The following CCNY variants were observed in gnomAD, a reference collection of about 807,000 sequenced individuals.
CCNY encodes cyclin Y, also known as cyclin-Y.
Under a neutral mutation model 42.8 loss-of-function variants are expected in CCNY, and 19 were observed. The observed-to-expected ratio is 0.44, with a 90% CI of 0.31 to 0.65. The LOEUF (loss-of-function observed/expected upper bound fraction) is 0.65, where lower values mean the gene tolerates loss of function less well. CCNY is among the 30% of genes least tolerant of loss of function. The probability of loss-of-function intolerance (pLI) is 0.07; values close to 1 mark genes in which losing one functional copy is unlikely to be tolerated. For missense variants in CCNY, 370 were observed against 437.3 expected (o/e 0.85, Z 1.37); for synonymous variants, 165 against 162.7 (o/e 1.01, Z -0.11).
At chr10:35,293,410 T>C (rs1400230282) in intron 3 of CCNY, among the ~76,000 whole-genome samples, 1 of 152,332 alleles carries the variant, frequency 6.6e-6, no homozygotes, top group East Asian at 1.9e-4. Context: ...CTGTCAATTT[T>C]GTTCTTGTTT....
At chr10:35,314,327 G>C (rs1173445919) in intron 3 of CCNY, among the ~76,000 whole-genome samples, 2 of 151,546 alleles carry the variant, frequency 1.3e-5, no homozygotes, top group African/African-American at 4.9e-5. Context: ...ATCTTACATG[G>C]TGGCAGTCAA....
At chr10:35,345,187 A>G (rs919834056) in intron 1 of CCNY, among the ~76,000 whole-genome samples, 10 of 152,228 alleles carry the variant, frequency 6.6e-5, no homozygotes, top group Non-Finnish European at 1.3e-4. Flanking sequence ...TTTACGTCCT[A>G]CCAACAGTGT....
intron 3 of CCNY, among the ~76,000 whole-genome samples, chr10:35,267,747 T>A (rs1456272625): frequency 5.3e-5 from 8 of 152,192 alleles, no homozygotes; most frequent in Non-Finnish European, 2.9e-5. Context: ...GCTGCCCTTT[T>A]GTTCCTTACA....
intron 3 of CCNY, among the ~76,000 whole-genome samples, chr10:35,299,937 G>C (rs1835513313): frequency 6.6e-6 from 1 of 151,894 alleles, no homozygotes; most frequent in African/African-American, 2.4e-5. Context: ...TGTTGCTGTA[G>C]GTTTACAGAA....
intron 1 of CCNY, among the ~76,000 whole-genome samples, chr10:35,406,715 A>G (rs886181607): frequency 2.6e-5 from 4 of 152,036 alleles, no homozygotes; most frequent in Non-Finnish European, 5.9e-5. Context: ...TGCCACTGTC[A>G]TCATGGCCTG....
chr10:35,445,343 C>T (rs761436832), intron 1 of CCNY, among the ~76,000 whole-genome samples: 2 of 152,178 alleles, frequency 1.3e-5, no homozygotes, highest in Non-Finnish European at 2.9e-5. Context: ...CTGTTTCCCA[C>T]GGAGCCTGTG....
At chr10:35,550,802 C>A (rs1288152461) in intron 7 of CCNY, among the ~76,000 whole-genome samples, 3 of 152,008 alleles carry the variant, frequency 2.0e-5, no homozygotes, top group Non-Finnish European at 4.4e-5. Flanking sequence ...CCCCTTCATC[C>A]TGTCTCCAGC....
intron 1 of CCNY, among the ~76,000 whole-genome samples, chr10:35,481,371 TCTTGGACTTAGGAG>T (rs879576476): frequency 5.3e-5 from 8 of 152,228 alleles, no homozygotes; most frequent in Admixed American, 4.6e-4. Context: ...TCCAGGACAT[TCTTGGACTTAGGAG>T]CAGGATCTCA....
chr10:35,497,418 T>G (rs1157241119), intron 2 of CCNY, among the ~76,000 whole-genome samples: 1 of 152,204 alleles, frequency 6.6e-6, no homozygotes, highest in Non-Finnish European at 1.5e-5. Flanking sequence ...TCTGTCAGTC[T>G]TTTCAGGTGA....
intron 1 of CCNY, among the ~76,000 whole-genome samples, chr10:35,447,810 G>A (rs1467286661): frequency 6.6e-6 from 1 of 152,104 alleles, no homozygotes; most frequent in Non-Finnish European, 1.5e-5. Flanking sequence ...TTTGTGCTTG[G>A]TCTGGAATTT....
At chr10:35,432,570 T>C (rs1838436464) in intron 1 of CCNY, among the ~76,000 whole-genome samples, 1 of 152,262 alleles carries the variant, frequency 6.6e-6, no homozygotes. Flanking sequence ...ATTTAAGTAC[T>C]TCTTCCTAAT....
At chr10:35,381,519 T>C (rs1837184024) in intron 1 of CCNY, among the ~76,000 whole-genome samples, 2 of 151,752 alleles carry the variant, frequency 1.3e-5, no homozygotes, top group African/African-American at 4.8e-5. Flanking sequence ...TGAGCTGAGA[T>C]TGTGCCATTG....
intron 1 of CCNY, among the ~76,000 whole-genome samples, chr10:35,461,599 G>A (rs761842493): frequency 6.6e-6 from 1 of 152,072 alleles, no homozygotes; most frequent in Non-Finnish European, 1.5e-5. Flanking sequence ...TCAGAAACCC[G>A]ACCAAAGCTT....
At chr10:35,492,472 T>C (rs1839919251) in intron 2 of CCNY, among the ~76,000 whole-genome samples, 1 of 152,378 alleles carries the variant, frequency 6.6e-6, no homozygotes, top group Middle Eastern at 3.4e-3. Context: ...TTTTTTTTCT[T>C]TCTTAGTGAC....
chr10:35,434,397 A>G (rs1838480754), intron 1 of CCNY, among the ~76,000 whole-genome samples: 1 of 152,238 alleles, frequency 6.6e-6, no homozygotes, highest in African/African-American at 2.4e-5. Flanking sequence ...GGAGTGGCGC[A>G]TCCTCAGGGA....
At chr10:35,349,107 C>T (rs1057190642) in intron 1 of CCNY, among the ~76,000 whole-genome samples, 62 of 152,166 alleles carry the variant, frequency 4.1e-4, no homozygotes, top group African/African-American at 1.3e-3. Context: ...ACAGGGTGGA[C>T]GGTGGGACTT....
chr10:35,293,391 GGAGT>G (rs566012351), intron 3 of CCNY, among the ~76,000 whole-genome samples: 284 of 152,280 alleles, frequency 1.9e-3, no homozygotes, highest in Non-Finnish European at 2.8e-3. Context: ...GAAATTGGGA[GGAGT>G]GAGTCTGTCA....
intron 3 of CCNY, among the ~76,000 whole-genome samples, chr10:35,266,551 T>A (rs781336069): frequency 6.6e-6 from 1 of 152,026 alleles, no homozygotes; most frequent in Non-Finnish European, 1.5e-5. Flanking sequence ...ATATAGAGGA[T>A]CCTCCTGTGC....
At chr10:35,375,786 G>A (rs1414608509) in intron 1 of CCNY, among the ~76,000 whole-genome samples, 2 of 152,216 alleles carry the variant, frequency 1.3e-5, no homozygotes, top group African/African-American at 2.4e-5. Context: ...GGTGAAGCAG[G>A]TTCTTAGCAT....
Sources: allele counts gnomAD v4.1 joint callset (sites outside exome capture counted in the v4.1 genomes callset), GRCh38; gene constraint gnomAD v4.1.1; transcripts MANE v1.5; gene names NCBI Gene and HGNC (gene_info 2026-07-23, HGNC 2026-07-21).